The following PRODH variants were observed in gnomAD, a reference collection of about 807,000 sequenced individuals.
PRODH encodes proline dehydrogenase 1.
For missense variants in PRODH, 3 were observed against 24.1 expected (o/e 0.12, Z 1.83); for synonymous variants, 3 against 10.4 (o/e 0.29, Z 1.37).
chr22:18,917,842 C>G (rs2081939637), intron 11 of PRODH, among the ~76,000 whole-genome samples: 1 of 31,538 alleles, frequency 3.2e-5, no homozygotes, highest in South Asian at 1.5e-3. Flanking sequence ...TGGAGCCAAC[C>G]AGGAGACACT....
At position 18,918,345 on chromosome 22, in the gene PRODH, C is replaced by T. The variant is rs142247512; in HGVS notation, c.1398G>A (p.Thr466=). Residue 466 remains threonine, a synonymous_variant, in exon 11 of 14, where the codon ACG becomes ACA. Coordinates refer to ENST00000357068, the MANE Select transcript of PRODH (RefSeq NM_016335.6). ...EIGYEDPINP[T]YEATNAMYHR... is the part of the protein sequence containing the mutation. ...GGTACATGGCGTTGGTGGCCTCGTACGTGGGGTTGATGGGGTCCTCATAGC... is the reference window on the plus strand; with the variant it reads ...GGTACATGGCGTTGGTGGCCTCGTATGTGGGGTTGATGGGGTCCTCATAGC... 1.9e-4 allele frequency: 42 copies of T among 216,526 alleles called. 3 individuals carry two copies. The highest frequency in any genetic ancestry group is 8.7e-4 in the Admixed American group (10 of 11,478). The allele number at this position is 216,526 out of a possible 1,614,324, so 13.4% of individuals were successfully genotyped here.
Position 18,918,369 on chromosome 22 carries a change from G to T in PRODH, c.1374C>A (p.Gly458=), listed in dbSNP as rs2904550. 5,439 of 235,584 alleles carry T rather than the reference G, an allele frequency of 0.023. 563 individuals are homozygous for T. Among genetic ancestry groups the T allele is most frequent in the South Asian group, 0.038 (882 of 23,338 alleles). 14.6% of individuals were successfully genotyped at this position (235,584 alleles called of 1,614,324 possible). The change falls in exon 11 of 14, where the codon GGC becomes GGA. Residue 458 remains glycine (G), a synonymous_variant. Transcript: ENST00000357068. ...ACGTGGGGTTGATGGGGTCCTCATA[G>T]CCGATCTCTGCCGCACGGGCTCGCT... ...AQERARAAEI[G]YEDPINPTYE...
intron 11 of PRODH, among the ~76,000 whole-genome samples, 198 bp from the exon 12 acceptor site, chr22:18,917,186 A>G (rs148075157): frequency 0.12 from 4,227 of 35,672 alleles, 1,758 homozygotes; most frequent in Admixed American, 0.17. Context: ...AAAGACCAGC[A>G]ACCAAGCAAA....
chr22:18,918,053 G>A (rs988960532), intron 11 of PRODH, among the ~76,000 whole-genome samples: 6 of 108,972 alleles, frequency 5.5e-5, no homozygotes, highest in Non-Finnish European at 8.8e-5. Context: ...GGGTGTTCAT[G>A]CACATCTCTG....
intron 12 of PRODH, chr22:18,914,259 G>A (rs140221397): frequency 0.011 from 353 of 32,428 alleles, 125 homozygotes; most frequent in Middle Eastern, 0.027. Flanking sequence ...TTCCTTTAAC[G>A]TAGCTACTAA....
intron 10 of PRODH, 71 bp from the exon 11 acceptor site, chr22:18,918,562 G>A (rs2081944674): frequency 6.0e-5 from 3 of 50,382 alleles, no homozygotes; most frequent in East Asian, 4.3e-4. Context: ...GGGCCTTCCT[G>A]GGCCCAGGTG....
At position 18,915,544 on chromosome 22, in the gene PRODH, CG is replaced by C. The variant is rs1312088023; in HGVS notation, c.1526+1345del. The C allele has an allele frequency of 7.4e-5, 2 of 26,926 alleles. 1 individual carries two copies. Among genetic ancestry groups the C allele is most frequent in the Non-Finnish European group, 2.8e-4 (2 of 7,200 alleles). The allele number at this position is 26,926 out of a possible 1,614,324, so 1.7% of individuals were successfully genotyped here. Reference sequence around the variant, plus strand: ...GCTGAGAGGAACCCCCACCAGCTCCCGAGTGCTGGGCAGTGCTGGCCACCAG... The same window carrying C: ...GCTGAGAGGAACCCCCACCAGCTCCCAGTGCTGGGCAGTGCTGGCCACCAG... On this transcript the variant is annotated intron_variant, in intron 12 of 13. Transcript: ENST00000357068.
rs1024089395 is a variant in PRODH at position 18,913,207 on chromosome 22, G to A, written c.1771C>T (p.Arg591Ter). 3 of 511,042 alleles carry A rather than the reference G, an allele frequency of 5.9e-6. 1 individual carries two copies. The highest frequency in any genetic ancestry group is 3.7e-5 in the South Asian group (1 of 27,022). The allele number at this position is 511,042 out of a possible 1,614,324, so 31.7% of individuals were successfully genotyped here. Reference protein sequence around the residue: ...LLWLELLRRLRTGNLFHRPA With the variant: ...LLWLELLRRL ...GGGCGATGGAAGAGGTTGCCAGTTCGGAGCCGCCTCAAGAGCTCCAGCCAC... is the reference window on the plus strand; with the variant it reads ...GGGCGATGGAAGAGGTTGCCAGTTCAGAGCCGCCTCAAGAGCTCCAGCCAC... The change falls in exon 14 of 14, where the codon CGA becomes TGA. Residue 591 changes from arginine to a stop codon, truncating the protein, a stop_gained. Coordinates refer to ENST00000357068, the MANE Select transcript of PRODH (RefSeq NM_016335.6). LOFTEE classifies it high-confidence loss of function.
chr22:18,918,465 G>A lies in PRODH; in HGVS notation c.1278C>T (p.Asp426=), dbSNP rs16983466. 0.22 allele frequency: 34,307 copies of A among 157,902 alleles called. 6,338 individuals are homozygous for A. Among genetic ancestry groups the A allele is most frequent in the Middle Eastern group, 0.3 (251 of 832 alleles). The allele number at this position is 157,902 out of a possible 1,614,324, so 9.8% of individuals were successfully genotyped here. The part of the protein sequence containing the change: ...LKDAYDNVTL[D]VELARREGWC... ...AGCCCTCACGGCGAGCCAGCTCCACGTCCAGGGTCACATTGTCATAGGCAT... is the reference window on the plus strand; with the variant it reads ...AGCCCTCACGGCGAGCCAGCTCCACATCCAGGGTCACATTGTCATAGGCAT... The change falls in exon 11 of 14, where the codon GAC becomes GAT. Residue 426 remains aspartate, a synonymous_variant. Coordinates refer to ENST00000357068, the MANE Select transcript of PRODH (RefSeq NM_016335.6).
At chr22:18,914,395 C>T (rs2071099640) in intron 12 of PRODH, 1 of 34,418 alleles carries the variant, frequency 2.9e-5, no homozygotes, top group African/African-American at 4.9e-5. Flanking sequence ...TTCTCAGGGT[C>T]TGAAATATCC....
intron 12 of PRODH, chr22:18,914,382 A>C (rs1210251709): frequency 2.8e-5 from 1 of 35,370 alleles, no homozygotes; most frequent in African/African-American, 4.8e-5. Context: ...CGTCTTACAA[A>C]GATTCTCAGG....
chr22:18,913,778 G>A, intron 12 of PRODH: 1 of 70,218 alleles, frequency 1.4e-5, no homozygotes, highest in Non-Finnish European at 2.9e-5. Context: ...TCAGCCCTTG[G>A]CCAACAAGGC....
In PRODH at chr22:18,918,813, A is replaced by AC. The variant is rs997930119; in HGVS notation, c.1252-323dup. ...GTGCATACTGCATGCTCCTGCCTGG[A>AC]CCCCTCCCCATGCCACCCTGTGTCC... On this transcript the variant is annotated intron_variant, in intron 10 of 13. Coordinates refer to ENST00000357068, the MANE Select transcript of PRODH (RefSeq NM_016335.6). Among the ~76,000 whole-genome samples the AC allele has an allele frequency of 3.5e-3, 6 of 1,716 alleles. 1 individual carries two copies. Among genetic ancestry groups the AC allele is most frequent in the East Asian group, 0.022 (2 of 90 alleles). The allele number at this position is 1,716 out of a possible 152,430, so 1.1% of individuals were successfully genotyped here. A position where few individuals can be genotyped will look rare whatever the true frequency, so the allele number is the denominator to read the frequency against.
rs200588737 is a variant in PRODH, at chr22:18,918,330, G to A, written c.1413C>T (p.Asn471=). 2.8e-5 allele frequency: 5 copies of A among 180,522 alleles called. 1 individual carries two copies. Among genetic ancestry groups the A allele is most frequent in the South Asian group, 6.3e-5 (1 of 15,838 alleles). 11.2% of individuals were successfully genotyped at this position (180,522 alleles called of 1,614,324 possible). The change falls in exon 11 of 14, where the codon AAC becomes AAT. Residue 471 remains asparagine (N), a synonymous_variant. Coordinates refer to ENST00000357068, the MANE Select transcript of PRODH (RefSeq NM_016335.6). ...GAGCTGCGCACCTGTGGTACATGGC[G>A]TTGGTGGCCTCGTACGTGGGGTTGA... The part of the protein sequence containing the change: ...DPINPTYEAT[N]AMYHRCLDYV...
intron 1 of PRODH, among the ~76,000 whole-genome samples, chr22:18,933,687 A>G (rs1180464917): frequency 1.5e-5 from 2 of 132,036 alleles, no homozygotes; most frequent in Non-Finnish European, 3.6e-5. Flanking sequence ...CTTAAGTGCT[A>G]GAATTACAGG....
chr22:18,919,033 A>G lies in PRODH; in HGVS notation c.1251+418T>C, dbSNP rs381678. Among the ~76,000 whole-genome samples the G allele has an allele frequency of 2.9e-4, 2 of 6,902 alleles. 1 individual carries two copies. Among genetic ancestry groups the G allele is most frequent in the Non-Finnish European group, 3.5e-3 (2 of 574 alleles). The allele number at this position is 6,902 out of a possible 152,430, so 4.5% of individuals were successfully genotyped here. ...ACGCTGGAGGAAATGGTCATGTGAC[A>G]CCTTCCAAGTTTGGGGTGTCGGGTA... is the stretch of plus-strand genomic sequence containing the variant. On this transcript the variant is annotated intron_variant, in intron 10 of 13. Transcript: ENST00000357068.
At chr22:18,916,192 G>GGAACT (rs2081931940) in intron 12 of PRODH, 1 of 6,200 alleles carries the variant, frequency 1.6e-4, no homozygotes, top group African/African-American at 2.4e-4. Flanking sequence ...AAATGTTAAG[G>GGAACT]GCGTATTAAT....
rs894437860 is a variant in PRODH at position 18,928,820 on chromosome 22, C to CA, written c.482+2169_482+2170insT. On this transcript the variant is annotated intron_variant, in intron 2 of 13. Coordinates refer to ENST00000357068, the MANE Select transcript of PRODH (RefSeq NM_016335.6). ...CTCTGGGAAGCATGGTCCACCCCCC[C>CA]CCCGGGTGGGCATTGCCCTCCTGCA... is the stretch of plus-strand genomic sequence containing the variant. Among the ~76,000 whole-genome samples, 4 of 8,030 alleles carry CA rather than the reference C, an allele frequency of 5.0e-4. 2 individuals carry two copies. The African/African-American group carries it at 6.2e-3, about 12-fold the overall frequency. 5.3% of individuals were successfully genotyped at this position (8,030 alleles called of 152,430 possible).
In PRODH at chr22:18,916,881, C is replaced by G; in HGVS notation, c.1526+9G>C. The G allele has an allele frequency of 4.2e-6, 1 of 236,844 alleles. No individual in the cohort carries two copies. Among genetic ancestry groups the G allele is most frequent in the African/African-American group, 2.5e-5 (1 of 40,138 alleles). 14.7% of individuals were successfully genotyped at this position (236,844 alleles called of 1,614,324 possible). ...GTTGGGGTTTCGGTGCAGGGTGGGG[C>G]ACACCTACCTGCGCAGTGCAAAGCG... On this transcript the variant is annotated intron_variant, in intron 12 of 13. Transcript: ENST00000357068.
Sources: allele counts gnomAD v4.1 joint callset (sites outside exome capture counted in the v4.1 genomes callset), GRCh38; gene constraint gnomAD v4.1.1; transcripts MANE v1.5; gene names NCBI Gene and HGNC (gene_info 2026-07-23, HGNC 2026-07-21).